The following NRXN1 variants were observed in gnomAD, a reference collection of about 807,000 sequenced individuals.
NRXN1 encodes neurexin 1, also known as neurexin-1.
NRXN1 carries 39 observed loss-of-function variants against 150.9 expected under a neutral mutation model. The observed-to-expected ratio is 0.26, with a 90% CI of 0.20 to 0.34. The LOEUF is 0.34. Among genes scored for constraint, NRXN1 ranks in the 10% least tolerant of loss-of-function variants. The probability of loss-of-function intolerance (pLI) is 1.00; values close to 1 mark genes in which losing one functional copy is unlikely to be tolerated. For missense variants in NRXN1, 1,815 were observed against 1,949.9 expected, an observed-to-expected ratio of 0.93 and a Z score of 1.30; for synonymous variants, 924 against 757.0, an observed-to-expected ratio of 1.22 and a Z score of -3.62.
intron 5 of NRXN1, chr2:50,829,796 GTAACT>G (rs1360509675): frequency 8.7e-6 from 13 of 1,498,888 alleles, no homozygotes; most frequent in Non-Finnish European, 1.2e-5. Context: ...TATTTATGAA[GTAACT>G]TAACTTTTGG....
At chr2:50,480,951 A>G (rs539087251) in intron 15 of NRXN1, among the ~76,000 whole-genome samples, 1 of 152,312 alleles carries the variant, frequency 6.6e-6, no homozygotes, top group African/African-American at 2.4e-5. Context: ...TATAATAATA[A>G]CTGACATGAG....
In NRXN1 at chr2:50,933,618, A is replaced by G. The variant is rs953192166; in HGVS notation, c.773-7663T>C. Among the ~76,000 whole-genome samples the G allele has an allele frequency of 3.4e-4, 52 of 152,154 alleles. 2 individuals carry two copies. The highest frequency in any genetic ancestry group is 3.1e-4 in the Non-Finnish European group (21 of 68,002). ...TATGTAGTTATTTGAGTTAATGTCT[A>G]GTGACTAAACTAAACCCATATGAAT... On this transcript the variant is annotated intron_variant, in intron 2 of 22. Coordinates refer to ENST00000401669, the MANE Select transcript of NRXN1 (RefSeq NM_001330078.2).
At chr2:50,322,968 T>A (rs999372991) in intron 17 of NRXN1, among the ~76,000 whole-genome samples, 2 of 152,306 alleles carry the variant, frequency 1.3e-5, no homozygotes, top group African/African-American at 4.8e-5. Context: ...TTTGAAAAGT[T>A]GAAATGATTT....
intron 15 of NRXN1, among the ~76,000 whole-genome samples, chr2:50,479,840 C>A (rs567970145): frequency 8.2e-6 from 1 of 122,200 alleles, no homozygotes; most frequent in African/African-American, 3.0e-5. Flanking sequence ...GTGGCACAAT[C>A]TTGGCTCACT....
At chr2:50,471,508 T>A (rs1158701787) in intron 16 of NRXN1, among the ~76,000 whole-genome samples, 2 of 151,894 alleles carry the variant, frequency 1.3e-5, no homozygotes, top group Admixed American at 6.6e-5. Context: ...TCATTGGCTT[T>A]TGGGCACTTA....
At chr2:50,990,940 C>G (rs1698452007) in intron 2 of NRXN1, among the ~76,000 whole-genome samples, 1 of 151,982 alleles carries the variant, frequency 6.6e-6, no homozygotes, top group African/African-American at 2.4e-5. Context: ...TTGGGAGCAT[C>G]CAATAGACCT....
chr2:50,376,947 T>C (rs1019664529), intron 17 of NRXN1, among the ~76,000 whole-genome samples: 2 of 135,568 alleles, frequency 1.5e-5, no homozygotes, highest in Non-Finnish European at 3.1e-5. Context: ...TCTTTCTTTC[T>C]TTTTCTTTTC....
At position 49,920,697 on chromosome 2, in the gene NRXN1, CGTGTGTGTGTGTGTGTGT is replaced by C. The variant is rs66612444; in HGVS notation, c.*1229_*1246del. On this transcript the variant is annotated 3_prime_UTR_variant, in exon 23 of 23. Coordinates refer to ENST00000401669, the MANE Select transcript of NRXN1 (RefSeq NM_001330078.2). ...CATATCTGATGGATTGCTGTGGATT[CGTGTGTGTGTGTGTGTGT>C]GTGTGTGTGTGTGTGTGTGTGTGTG... 21,871 of 142,910 alleles carry C rather than the reference CGTGTGTGTGTGTGTGTGT, an allele frequency of 0.15. 1,718 individuals carry two copies. Among genetic ancestry groups the C allele is most frequent in the South Asian group, 0.3 (1,289 of 4,366 alleles). The allele number at this position is 142,910 out of a possible 1,614,324, so 8.9% of individuals were successfully genotyped here.
At chr2:50,116,396 G>T (rs1292487980) in intron 18 of NRXN1, among the ~76,000 whole-genome samples, 1 of 152,000 alleles carries the variant, frequency 6.6e-6, no homozygotes, top group Non-Finnish European at 1.5e-5. Flanking sequence ...CTCCATCTAG[G>T]CTTGGAGAAG....
At chr2:50,191,324 G>A (rs1559061877) in intron 18 of NRXN1, among the ~76,000 whole-genome samples, 1 of 151,892 alleles carries the variant, frequency 6.6e-6, no homozygotes, top group African/African-American at 2.4e-5. Flanking sequence ...ACAGGTGTGA[G>A]CCACCATGAC....
chr2:50,180,581 T>C (rs2060644453), intron 18 of NRXN1, among the ~76,000 whole-genome samples: 1 of 151,900 alleles, frequency 6.6e-6, no homozygotes, highest in Non-Finnish European at 1.5e-5. Context: ...GGGAGAAGGG[T>C]TCTGCCCCTC....
chr2:50,758,057 C>T (rs1217818260), intron 5 of NRXN1: 5 of 151,862 alleles, frequency 3.3e-5, no homozygotes, highest in African/African-American at 1.2e-4. Flanking sequence ...TCCTGCATTG[C>T]TTTATTGAAG....
At chr2:50,394,974 G>A (rs1318042959) in intron 17 of NRXN1, among the ~76,000 whole-genome samples, 1 of 151,112 alleles carries the variant, frequency 6.6e-6, no homozygotes, top group African/African-American at 2.4e-5. Context: ...TTCATTCTAG[G>A]GTATAATAAA....
chr2:50,305,453 T>A (rs1340481870), intron 17 of NRXN1, among the ~76,000 whole-genome samples: 1 of 152,208 alleles, frequency 6.6e-6, no homozygotes, highest in Non-Finnish European at 1.5e-5. Context: ...ATAACTAGAT[T>A]TAAAATTTAA....
chr2:50,011,777 G>C (rs778049320), intron 21 of NRXN1, among the ~76,000 whole-genome samples: 2 of 151,962 alleles, frequency 1.3e-5, no homozygotes, highest in African/African-American at 4.8e-5. Context: ...CTTAAAGATG[G>C]AGAAAAATAG....
intron 5 of NRXN1, among the ~76,000 whole-genome samples, chr2:50,646,708 C>CTTTTTTTTTTTT (rs552231598): frequency 1.4e-4 from 15 of 107,432 alleles, no homozygotes; most frequent in East Asian, 2.9e-4. Flanking sequence ...TTCATGTTGT[C>CTTTTTTTTTTTT]TTTTTTTTTT....
intron 21 of NRXN1, among the ~76,000 whole-genome samples, chr2:50,033,235 G>A (rs540062350): frequency 1.3e-5 from 2 of 151,896 alleles, no homozygotes; most frequent in African/African-American, 2.4e-5. Flanking sequence ...AATACTACAG[G>A]GCTACAATAA....
intron 15 of NRXN1, among the ~76,000 whole-genome samples, chr2:50,490,317 G>C (rs758046734): frequency 1.3e-5 from 2 of 152,068 alleles, no homozygotes; most frequent in African/African-American, 2.4e-5. Context: ...TGGCGTTCAG[G>C]GCCCTTCAAA....
intron 17 of NRXN1, among the ~76,000 whole-genome samples, chr2:50,453,118 C>T (rs893588231): frequency 1.3e-5 from 2 of 152,096 alleles, no homozygotes; most frequent in Non-Finnish European, 2.9e-5. Context: ...AACTTTCATT[C>T]TATTAAAGTC....
Sources: gnomAD v4.1 joint callset for allele counts (sites outside exome capture counted in the v4.1 genomes callset) on GRCh38, gnomAD v4.1.1 for gene constraint, MANE v1.5 for transcripts, NCBI Gene and HGNC (gene_info 2026-07-23, HGNC 2026-07-21) for gene names.